Variants in PPARGC1A observed in about 807,000 individuals in gnomAD.
PPARGC1A encodes the protein PPARG coactivator 1 alpha, also known as peroxisome proliferator-activated receptor gamma coactivator 1-alpha.
Under a neutral mutation model 88.7 loss-of-function variants are expected in PPARGC1A, and 25 were observed. The ratio of observed to expected loss-of-function variants is 0.28; its 90% CI spans 0.21 to 0.39. The LOEUF (loss-of-function observed/expected upper bound fraction) is 0.39, where lower values mean the gene tolerates loss of function less well. Ranked by LOEUF, PPARGC1A falls within the 10% of genes least tolerant of loss-of-function variation. The pLI is 1.00. For missense variants in PPARGC1A, 880 were observed against 968.7 expected (o/e 0.91, Z 1.22); for synonymous variants, 363 against 355.6 (o/e 1.02, Z -0.24).
At chr4:24,130,805 T>A in the PPARGC1A span, among the ~76,000 whole-genome samples, 1 of 152,166 alleles carries the variant, frequency 6.6e-6, no homozygotes, top group South Asian at 2.1e-4. Context: ...CAGCAGCCAC[T>A]CACCACCCAC....
At chr4:24,455,052 AAC>A in the PPARGC1A span, among the ~76,000 whole-genome samples, 288 of 152,350 alleles carry the variant, frequency 1.9e-3, 2 homozygotes, top group Non-Finnish European at 2.7e-3. Flanking sequence ...GGAAATTCTC[AAC>A]AGAGTCAAAG....
the PPARGC1A span, among the ~76,000 whole-genome samples, chr4:24,459,863 A>G: frequency 6.6e-6 from 1 of 152,252 alleles, no homozygotes; most frequent in African/African-American, 2.4e-5. Context: ...ATAACTAATA[A>G]CAACAATTAG....
chr4:24,154,040 TCA>T, the PPARGC1A span, among the ~76,000 whole-genome samples: 1 of 152,142 alleles, frequency 6.6e-6, no homozygotes, highest in African/African-American at 2.4e-5. Context: ...GAAAAGGAAC[TCA>T]CAAACCCAAA....
chr4:24,122,434 T>TAC, the PPARGC1A span, among the ~76,000 whole-genome samples: 1 of 130,112 alleles, frequency 7.7e-6, no homozygotes, highest in Non-Finnish European at 1.6e-5. Flanking sequence ...TATATATATA[T>TAC]ATAGAGAGAG....
At chr4:24,404,279 A>T in the PPARGC1A span, among the ~76,000 whole-genome samples, 183 of 151,882 alleles carry the variant, frequency 1.2e-3, no homozygotes, top group Middle Eastern at 0.01. Context: ...TATATATATA[A>T]ATAAATTAAA....
At chr4:24,071,943 A>C in the PPARGC1A span, among the ~76,000 whole-genome samples, 1 of 152,090 alleles carries the variant, frequency 6.6e-6, no homozygotes, top group Admixed American at 6.6e-5. Context: ...TCTTATAAGA[A>C]GTTAAATGTT....
chr4:24,437,136 A>T, the PPARGC1A span, among the ~76,000 whole-genome samples: 1 of 152,220 alleles, frequency 6.6e-6, no homozygotes, highest in Non-Finnish European at 1.5e-5. Context: ...GCAAATACGC[A>T]TGGCAATGTC....
the PPARGC1A span, among the ~76,000 whole-genome samples, chr4:24,074,149 T>G: frequency 1.3e-5 from 2 of 152,144 alleles, no homozygotes; most frequent in Non-Finnish European, 2.9e-5. Flanking sequence ...GAAATGGACT[T>G]TGCTCTCACA....
the PPARGC1A span, among the ~76,000 whole-genome samples, chr4:24,035,490 G>A: frequency 2.6e-5 from 4 of 151,966 alleles, no homozygotes; most frequent in East Asian, 1.9e-4. Context: ...GGGTTGCAGC[G>A]AGCCGAGATC....
chr4:24,461,587 G>A, the PPARGC1A span, among the ~76,000 whole-genome samples: 5 of 151,782 alleles, frequency 3.3e-5, no homozygotes, highest in Admixed American at 6.6e-5. Context: ...CATATCATCC[G>A]TCTATGTCTC....
chr4:24,330,259 G>T, the PPARGC1A span, among the ~76,000 whole-genome samples: 2 of 152,204 alleles, frequency 1.3e-5, no homozygotes, highest in African/African-American at 4.8e-5. Flanking sequence ...GAGTGCACAG[G>T]AAATCATGTC....
At chr4:24,305,152 T>C in the PPARGC1A span, among the ~76,000 whole-genome samples, 1 of 147,514 alleles carries the variant, frequency 6.8e-6, no homozygotes, top group Non-Finnish European at 1.5e-5. Context: ...TATATATACA[T>C]ACACACATAT....
chr4:24,231,432 G>A, the PPARGC1A span, among the ~76,000 whole-genome samples: 1 of 152,148 alleles, frequency 6.6e-6, no homozygotes, highest in South Asian at 2.1e-4. Flanking sequence ...CTCCAGTCCG[G>A]TCCAGTCTCT....
the PPARGC1A span, among the ~76,000 whole-genome samples, chr4:24,059,191 A>C: frequency 1.8e-4 from 27 of 152,280 alleles, no homozygotes; most frequent in African/African-American, 6.3e-4. Flanking sequence ...ATTCATAATG[A>C]TTTACCAAAA....
At chr4:23,812,075 G>T (rs533140868) in intron 10 of PPARGC1A, among the ~76,000 whole-genome samples, 3 of 151,238 alleles carry the variant, frequency 2.0e-5, no homozygotes, top group Non-Finnish European at 4.4e-5. Flanking sequence ...GCACCACCAC[G>T]CCTGGCTAAT....
intron 10 of PPARGC1A, among the ~76,000 whole-genome samples, chr4:23,807,451 T>A (rs1354378097): frequency 6.6e-6 from 1 of 152,180 alleles, no homozygotes; most frequent in Non-Finnish European, 1.5e-5. Context: ...TGTGAATAAG[T>A]CCAGGTTAGT....
At chr4:23,858,266 TA>T (rs1358511458) in intron 2 of PPARGC1A, among the ~76,000 whole-genome samples, 1 of 152,110 alleles carries the variant, frequency 6.6e-6, no homozygotes, top group African/African-American at 2.4e-5. Context: ...AACTAGAACA[TA>T]AGCTCCAGGA....
the PPARGC1A span, among the ~76,000 whole-genome samples, chr4:24,218,242 A>C: frequency 6.6e-6 from 1 of 152,256 alleles, no homozygotes; most frequent in African/African-American, 2.4e-5. Flanking sequence ...GGAATAAATA[A>C]ATGACATACA....
intron 2 of PPARGC1A, among the ~76,000 whole-genome samples, chr4:23,846,791 C>T (rs536378515): frequency 1.3e-5 from 2 of 151,752 alleles, no homozygotes; most frequent in Non-Finnish European, 2.9e-5. Flanking sequence ...TTACTATAAA[C>T]AAAATAAACA....
Sources: allele counts gnomAD v4.1 joint callset (sites outside exome capture counted in the v4.1 genomes callset), GRCh38; gene constraint gnomAD v4.1.1; transcripts MANE v1.5; gene names NCBI Gene and HGNC (gene_info 2026-07-23, HGNC 2026-07-21).